The following ARMC10 variants were observed in gnomAD, a reference collection of about 807,000 sequenced individuals.
ARMC10 encodes armadillo repeat containing 10, also known as armadillo repeat-containing protein 10.
In ARMC10, 23 loss-of-function variants were observed where a neutral mutation model predicts 30.2. That is an observed-to-expected ratio of 0.76 (90% CI 0.55 to 1.08). The LOEUF (loss-of-function observed/expected upper bound fraction) is 1.08, where lower values mean the gene tolerates loss of function less well. Among genes scored for constraint, ARMC10 ranks in the 50% least tolerant of loss-of-function variants. The pLI, the probability that ARMC10 is intolerant of heterozygous loss-of-function variation, is 0.00. For synonymous variants in ARMC10, 111 were observed against 164.4 expected (o/e 0.68, Z 2.48); for missense variants, 303 against 413.7 (o/e 0.73, Z 2.32).
In ARMC10 at chr7:103,086,640, G is replaced by A. The variant is rs138429012; in HGVS notation, c.404G>A (p.Arg135His). ...TTTTTCCCCTCGTAGGCTATTATTCGTGAATTGGGTGGTATTCCAATTGTT... is the reference window on the plus strand; with the variant it reads ...TTTTTCCCCTCGTAGGCTATTATTCATGAATTGGGTGGTATTCCAATTGTT... ...AAFSVNQAII[R>H]ELGGIPIVAN... Residue 135 changes from arginine (R) to histidine (H), a missense_variant, in exon 4 of 7, where the codon CGT (arginine) becomes CAT (histidine). By Grantham distance (29) the Arg-to-His change is conservative. Around this residue, in one of 4 missense-constraint regions of ARMC10, gnomAD observed 170 missense variants for 207.2 expected, o/e 0.82. Coordinates refer to ENST00000323716, the MANE Select transcript of ARMC10 (RefSeq NM_031905.5). The A allele has an allele frequency of 1.1e-5, 17 of 1,570,964 alleles. No homozygotes were observed. The East Asian group carries it at 1.8e-4, about 17-fold the overall frequency.
rs1293720580 is a variant in ARMC10, at chr7:103,075,392, A to T, written c.120A>T (p.Ile40=). The change falls in exon 1 of 7, where the codon ATA becomes ATT. Residue 40 remains isoleucine (I), a synonymous_variant. Coordinates refer to ENST00000323716, the MANE Select transcript of ARMC10 (RefSeq NM_031905.5). ...GGCGGGGCGACCGCGAGCTCGGGAT[A>T]CGCTCTTCGAAGTCCGCAGGTGGGA... The part of the protein sequence containing the change: ...GRRRGDRELG[I]RSSKSAGALE... 1 of 1,290,236 alleles carries T rather than the reference A, an allele frequency of 7.8e-7. No individual in the cohort carries two copies. The allele number at this position is 1,290,236 out of a possible 1,614,324, so 79.9% of individuals were successfully genotyped here. A position where few individuals can be genotyped will look rare whatever the true frequency, so the allele number is the denominator to read the frequency against.
At chr7:103,076,730 G>A (rs937027857) in intron 2 of ARMC10, among the ~76,000 whole-genome samples, 5 of 152,164 alleles carry the variant, frequency 3.3e-5, no homozygotes, top group Admixed American at 2.6e-4. Flanking sequence ...AGCTACTCAG[G>A]AGGCTGAGGC....
At chr7:103,076,982 C>A (rs1799930835) in intron 2 of ARMC10, among the ~76,000 whole-genome samples, 1 of 152,206 alleles carries the variant, frequency 6.6e-6, no homozygotes, top group Admixed American at 6.5e-5. Context: ...ATCACAGCTG[C>A]AGCCTCCACT....
intron 1 of ARMC10, 141 bp downstream of exon 1, chr7:103,075,552 C>T: frequency 9.3e-7 from 1 of 1,070,246 alleles, no homozygotes. Flanking sequence ...GTGCAGGGTG[C>T]TGCGCCGCCC....
chr7:103,075,700 G>C, intron 1 of ARMC10, 77 bp from the exon 2 acceptor site: 1 of 1,116,224 alleles, frequency 9.0e-7, no homozygotes, highest in Non-Finnish European at 1.2e-6. Flanking sequence ...CCGGGCCTTT[G>C]TGTAACTAAA....
chr7:103,078,211 G>A (rs1800067454), intron 2 of ARMC10, among the ~76,000 whole-genome samples: 1 of 152,052 alleles, frequency 6.6e-6, no homozygotes, highest in African/African-American at 2.4e-5. Flanking sequence ...TTGGCCAGGT[G>A]ATGTGCCTGC....
rs1799593194 is a variant in ARMC10, at chr7:103,075,264, G to A, written c.-9G>A. ...TGGCCCGGCGCTGCGGCTCTGCCGC[G>A]GCGGCAGCATGGGTGGCCCCCGGGG... On this transcript the variant is annotated 5_prime_UTR_variant, in exon 1 of 7. Transcript: ENST00000323716. 11 of 1,197,308 alleles carry A rather than the reference G, an allele frequency of 9.2e-6. No individual in the cohort carries two copies. Among genetic ancestry groups the A allele is most frequent in the Admixed American group, 4.5e-5 (1 of 22,446 alleles). 74.2% of individuals were successfully genotyped at this position (1,197,308 alleles called of 1,614,324 possible). A position where few individuals can be genotyped will look rare whatever the true frequency, so the allele number is the denominator to read the frequency against.
chr7:103,080,783 A>C (rs1352020201), intron 2 of ARMC10, among the ~76,000 whole-genome samples: 1 of 151,742 alleles, frequency 6.6e-6, no homozygotes, highest in Admixed American at 6.6e-5. Flanking sequence ...ATGTGCCACC[A>C]TGCCTGGCTA....
intron 4 of ARMC10, among the ~76,000 whole-genome samples, chr7:103,091,610 C>T (rs930268623): frequency 6.6e-6 from 1 of 152,208 alleles, no homozygotes; most frequent in East Asian, 1.9e-4. Flanking sequence ...TCACATTATC[C>T]TCCCATTCTT....
chr7:103,097,430 A>G, intron 6 of ARMC10, 82 bp downstream of exon 6: 1 of 1,063,350 alleles, frequency 9.4e-7, no homozygotes, highest in Non-Finnish European at 1.4e-6. Context: ...GATTAAGCCT[A>G]AAATGTTAAC....
intron 4 of ARMC10, among the ~76,000 whole-genome samples, chr7:103,090,683 T>C (rs1801234024): frequency 6.7e-6 from 1 of 149,378 alleles, no homozygotes; most frequent in Non-Finnish European, 1.5e-5. Context: ...TTTTAATAGA[T>C]ATGGGGTCTC....
At chr7:103,075,457 G>C (rs777057694) in intron 1 of ARMC10, 46 bp downstream of exon 1, 1 of 1,276,442 alleles carries the variant, frequency 7.8e-7, no homozygotes, top group East Asian at 2.9e-5. Context: ...CTGGGCAGGG[G>C]GGCTCCCCAG....
At chr7:103,094,649 C>T (rs1387738941) in intron 5 of ARMC10, among the ~76,000 whole-genome samples, 1 of 152,150 alleles carries the variant, frequency 6.6e-6, no homozygotes, top group Admixed American at 6.5e-5. Flanking sequence ...GACATTGGAG[C>T]CAGGTGTTTT....
chr7:103,083,661 A>C lies in ARMC10; in HGVS notation c.245-21A>C, dbSNP rs200729123. 3.8e-6 allele frequency: 6 copies of C among 1,594,626 alleles called. No individual in the cohort carries two copies. In the African/African-American group the frequency reaches 8.1e-5, roughly 22 times the overall value. On this transcript the variant is annotated intron_variant, in intron 2 of 6. Coordinates refer to ENST00000323716, the MANE Select transcript of ARMC10 (RefSeq NM_031905.5). ...TCGTATTGATTTTAGCTTAACTTCAAATAACTTTCTTCTTATGCAGAAGAC... is the reference window on the plus strand; with the variant it reads ...TCGTATTGATTTTAGCTTAACTTCACATAACTTTCTTCTTATGCAGAAGAC...
intron 3 of ARMC10, among the ~76,000 whole-genome samples, chr7:103,085,417 C>G (rs1800748677): frequency 6.6e-6 from 1 of 152,062 alleles, no homozygotes; most frequent in African/African-American, 2.4e-5. Context: ...CAGTCTTTTT[C>G]TTTTTTCCTG....
intron 6 of ARMC10, 145 bp from the exon 7 acceptor site, chr7:103,098,154 T>G (rs1015275915): frequency 4.1e-6 from 4 of 973,120 alleles, no homozygotes; most frequent in East Asian, 3.3e-5. Context: ...TGACAAAATT[T>G]TTTTAATGTG....
At chr7:103,076,848 CAAA>C (rs536478024) in intron 2 of ARMC10, among the ~76,000 whole-genome samples, 55 of 8,180 alleles carry the variant, frequency 6.7e-3, no homozygotes, top group Admixed American at 0.037. Flanking sequence ...AAACAAAAAA[CAAA>C]CAAAAAGATT....
chr7:103,096,558 T>C (rs1350111465), intron 5 of ARMC10: 1 of 152,208 alleles, frequency 6.6e-6, no homozygotes, highest in East Asian at 1.9e-4. Context: ...TTAAAGATTA[T>C]ATTTCTTTAT....
chr7:103,075,261 C>A lies in ARMC10; in HGVS notation c.-12C>A. On this transcript the variant is annotated 5_prime_UTR_variant, in exon 1 of 7. Transcript: ENST00000323716. Reference sequence around the variant, plus strand: ...CCCTGGCCCGGCGCTGCGGCTCTGCCGCGGCGGCAGCATGGGTGGCCCCCG... The same window carrying A: ...CCCTGGCCCGGCGCTGCGGCTCTGCAGCGGCGGCAGCATGGGTGGCCCCCG... 1.7e-6 allele frequency: 2 copies of A among 1,192,990 alleles called. No homozygotes were observed. The highest frequency in any genetic ancestry group is 3.6e-5 in the East Asian group (1 of 27,826). The allele number at this position is 1,192,990 out of a possible 1,614,324, so 73.9% of individuals were successfully genotyped here. A position where few individuals can be genotyped will look rare whatever the true frequency, so the allele number is the denominator to read the frequency against.
Sources: gnomAD v4.1 joint callset for allele counts (sites outside exome capture counted in the v4.1 genomes callset) on GRCh38, gnomAD v4.1.1 for gene constraint, gnomAD v4.1.1 regional missense constraint, MANE v1.5 for transcripts, NCBI Gene and HGNC (gene_info 2026-07-23, HGNC 2026-07-21) for gene names.